The following MAGI3 variants were observed in gnomAD, a reference collection of about 807,000 sequenced individuals.
The protein encoded by MAGI3 is membrane-associated guanylate kinase, WW and PDZ domain-containing protein 3.
A neutral mutation model predicts 121.8 loss-of-function variants in MAGI3; 43 were observed. That is an observed-to-expected ratio of 0.35 (90% CI 0.28 to 0.46). The LOEUF (loss-of-function observed/expected upper bound fraction) is 0.46. MAGI3 is among the 20% of genes least tolerant of loss of function. MAGI3 has a pLI of 1.00. For missense variants in MAGI3, 1,547 were observed against 1,797.3 expected (o/e 0.86, Z 2.52); for synonymous variants, 553 against 639.3 (o/e 0.86, Z 2.04).
At chr1:113,588,486 G>T (rs1032347478) in intron 4 of MAGI3, among the ~76,000 whole-genome samples, 3 of 152,114 alleles carry the variant, frequency 2.0e-5, no homozygotes, top group African/African-American at 7.2e-5. Context: ...GAAGAATTTT[G>T]ATTTTTATTC....
intron 2 of MAGI3, among the ~76,000 whole-genome samples, chr1:113,554,152 A>T (rs1035906127): frequency 6.6e-6 from 1 of 152,244 alleles, no homozygotes; most frequent in African/African-American, 2.4e-5. Flanking sequence ...AAGTCAGCTG[A>T]TAGAAAAAAG....
At chr1:113,483,606 G>A (rs1003942331) in intron 1 of MAGI3, among the ~76,000 whole-genome samples, 12 of 152,070 alleles carry the variant, frequency 7.9e-5, no homozygotes, top group African/African-American at 2.4e-4. Context: ...CGTTATAGTA[G>A]CCCAGACTAA....
intron 9 of MAGI3, among the ~76,000 whole-genome samples, chr1:113,635,734 G>A (rs1188996691): frequency 6.6e-6 from 1 of 152,166 alleles, no homozygotes; most frequent in Non-Finnish European, 1.5e-5. Context: ...GATGATGCTG[G>A]CCTCATAAAA....
intron 9 of MAGI3, among the ~76,000 whole-genome samples, chr1:113,629,677 G>A (rs567205621): frequency 4.3e-4 from 65 of 151,942 alleles, no homozygotes; most frequent in Non-Finnish European, 7.9e-4. Flanking sequence ...TTAATAGGCA[G>A]AGACTCTTGT....
chr1:113,426,112 A>G (rs1050871100), intron 1 of MAGI3, among the ~76,000 whole-genome samples: 1 of 151,986 alleles, frequency 6.6e-6, no homozygotes, highest in South Asian at 2.1e-4. Context: ...TTTTCATTCA[A>G]TTCTGTGTAT....
At chr1:113,402,469 A>G (rs1651458958) in intron 1 of MAGI3, among the ~76,000 whole-genome samples, 1 of 152,156 alleles carries the variant, frequency 6.6e-6, no homozygotes, top group Admixed American at 6.5e-5. Context: ...GCTTTGAAAA[A>G]TCATTTTTCC....
At chr1:113,582,190 A>G (rs752695047) in intron 3 of MAGI3, among the ~76,000 whole-genome samples, 1 of 152,162 alleles carries the variant, frequency 6.6e-6, no homozygotes, top group African/African-American at 2.4e-5. Flanking sequence ...TGGCAAGACT[A>G]TAAAATGGTA....
At chr1:113,537,795 G>C (rs1339927404) in intron 1 of MAGI3, among the ~76,000 whole-genome samples, 1 of 151,832 alleles carries the variant, frequency 6.6e-6, no homozygotes, top group African/African-American at 2.4e-5. Flanking sequence ...GACTTATATT[G>C]TCATGTTGCC....
intron 1 of MAGI3, among the ~76,000 whole-genome samples, chr1:113,418,964 A>G (rs1652596207): frequency 1.3e-5 from 2 of 152,108 alleles, no homozygotes; most frequent in African/African-American, 4.8e-5. Flanking sequence ...TTTTTTTGCT[A>G]CATCATTGTT....
intron 20 of MAGI3, chr1:113,682,429 G>A (rs1034226270): frequency 2.2e-6 from 3 of 1,394,070 alleles, no homozygotes; most frequent in South Asian, 1.8e-5. Flanking sequence ...AAATTTGACA[G>A]CTTAATGCAA....
intron 1 of MAGI3, among the ~76,000 whole-genome samples, chr1:113,399,668 A>T (rs1651299763): frequency 6.6e-6 from 1 of 152,116 alleles, no homozygotes; most frequent in African/African-American, 2.4e-5. Context: ...ACAATTTAAA[A>T]GTATTTCTTG....
chr1:113,660,180 T>G (rs1653705567), intron 16 of MAGI3, among the ~76,000 whole-genome samples: 1 of 152,214 alleles, frequency 6.6e-6, no homozygotes, highest in South Asian at 2.1e-4. Flanking sequence ...TATTTCTGCA[T>G]GGACATGAAT....
At chr1:113,556,483 T>C (rs566734566) in intron 2 of MAGI3, among the ~76,000 whole-genome samples, 10 of 151,262 alleles carry the variant, frequency 6.6e-5, no homozygotes, top group Non-Finnish European at 1.3e-4. Flanking sequence ...AAGAAAACAA[T>C]ATCAGGAATG....
chr1:113,486,476 A>G (rs768940855), intron 1 of MAGI3, among the ~76,000 whole-genome samples: 8 of 152,020 alleles, frequency 5.3e-5, no homozygotes, highest in Non-Finnish European at 8.8e-5. Context: ...TTTTGCAGCT[A>G]TTGTGAAAGG....
At chr1:113,609,441 G>A (rs1377556580) in intron 6 of MAGI3, among the ~76,000 whole-genome samples, 1 of 152,152 alleles carries the variant, frequency 6.6e-6, no homozygotes, top group Non-Finnish European at 1.5e-5. Flanking sequence ...AGCTTGAACA[G>A]CTTGGTTTAA....
chr1:113,681,987 C>T (rs1230652), intron 20 of MAGI3, among the ~76,000 whole-genome samples: 1,849 of 152,214 alleles, frequency 0.012, 47 homozygotes, highest in African/African-American at 0.043. Context: ...GTACTTGCCT[C>T]ATCTAGCTCC....
chr1:113,610,268 GT>G, intron 6 of MAGI3, among the ~76,000 whole-genome samples: 1 of 152,072 alleles, frequency 6.6e-6, no homozygotes, highest in African/African-American at 2.4e-5. Context: ...CCAACAAAGC[GT>G]TTTTTAATGC....
chr1:113,450,007 T>G, intron 1 of MAGI3: 1 of 1,570,960 alleles, frequency 6.4e-7, no homozygotes, highest in Non-Finnish European at 8.7e-7. Context: ...CATCTAACAG[T>G]GAAGAAAATT....
intron 9 of MAGI3, among the ~76,000 whole-genome samples, chr1:113,641,289 T>C (rs919019798): frequency 6.7e-5 from 10 of 149,308 alleles, no homozygotes; most frequent in Admixed American, 2.7e-4. Flanking sequence ...TGGTGGGGAA[T>C]GAGGACTTAG....
Sources: allele counts gnomAD v4.1 joint callset (sites outside exome capture counted in the v4.1 genomes callset), GRCh38; gene constraint gnomAD v4.1.1; transcripts MANE v1.5; gene names NCBI Gene and HGNC (gene_info 2026-07-23, HGNC 2026-07-21).